Variants in MCU observed in about 807,000 individuals in gnomAD.
The protein encoded by MCU is mitochondrial calcium uniporter.
A neutral mutation model predicts 45.2 loss-of-function variants in MCU; 12 were observed. The observed-to-expected ratio is 0.27, with a 90% CI of 0.17 to 0.43. The LOEUF (loss-of-function observed/expected upper bound fraction) is 0.43. MCU is among the 20% of genes least tolerant of loss of function. The pLI, the probability that MCU is intolerant of heterozygous loss-of-function variation, is 1.00. For missense variants in MCU, 324 were observed against 436.7 expected, an observed-to-expected ratio of 0.74 and a Z score of 2.30; for synonymous variants, 160 against 165.1, an observed-to-expected ratio of 0.97 and a Z score of 0.24.
At chr10:72,751,707 T>G (rs1488841747) in intron 1 of MCU, among the ~76,000 whole-genome samples, 1 of 152,132 alleles carries the variant, frequency 6.6e-6, no homozygotes, top group East Asian at 1.9e-4. Flanking sequence ...AGGGTCTGGC[T>G]TCCTTTGAGA....
In MCU at chr10:72,886,107, A is replaced by G. The variant is rs1845770995; in HGVS notation, c.*285A>G. On this transcript the variant is annotated 3_prime_UTR_variant, in exon 8 of 8. Transcript: ENST00000373053. Reference sequence around the variant, plus strand: ...ATAGTTGAGAGATTCATAAAGAGAAAACAATGCTGGGGGTGTTCGTTTCTT... The same window carrying G: ...ATAGTTGAGAGATTCATAAAGAGAAGACAATGCTGGGGGTGTTCGTTTCTT... 1 of 278,976 alleles carries G rather than the reference A, an allele frequency of 3.6e-6. No homozygotes were observed. The highest frequency in any genetic ancestry group is 6.7e-6 in the Non-Finnish European group (1 of 149,186). 17.3% of individuals were successfully genotyped at this position (278,976 alleles called of 1,614,324 possible).
chr10:72,716,971 A>C (rs1842962350), intron 1 of MCU, among the ~76,000 whole-genome samples: 1 of 152,200 alleles, frequency 6.6e-6, no homozygotes, highest in African/African-American at 2.4e-5. Context: ...TTCAAGGATC[A>C]CAGAGCAAAT....
intron 1 of MCU, among the ~76,000 whole-genome samples, chr10:72,765,395 A>C (rs185835873): frequency 6.6e-5 from 10 of 152,240 alleles, no homozygotes; most frequent in Admixed American, 2.6e-4. Context: ...TCCTTCTATA[A>C]AGTTGTTATT....
intron 6 of MCU, among the ~76,000 whole-genome samples, chr10:72,872,452 C>T (rs1340902927): frequency 6.6e-6 from 1 of 152,180 alleles, no homozygotes; most frequent in African/African-American, 2.4e-5. Flanking sequence ...CTCTCTACTT[C>T]TGTGGGTTCA....
intron 1 of MCU, among the ~76,000 whole-genome samples, chr10:72,762,983 G>A (rs1246836437): frequency 6.6e-6 from 1 of 152,012 alleles, no homozygotes; most frequent in African/African-American, 2.4e-5. Context: ...TGCCTTTTCT[G>A]GTTTCTGGAG....
At position 72,739,699 on chromosome 10, in the gene MCU, T is replaced by C. The variant is rs967749514; in HGVS notation, c.150+47398T>C. Among the ~76,000 whole-genome samples, 641 of 146,610 alleles carry C rather than the reference T, an allele frequency of 4.4e-3. 4 individuals are homozygous for C. Among genetic ancestry groups the C allele is most frequent in the African/African-American group, 0.015 (608 of 40,472 alleles). ...GTTAGCCAATGAAGAACATTAAGAT[T>C]TTTTTTTTTTTTTTGAGACCAGGCT... On this transcript the variant is annotated intron_variant, in intron 1 of 7. Coordinates refer to ENST00000373053, the MANE Select transcript of MCU (RefSeq NM_138357.3).
chr10:72,766,653 A>G (rs549575639), intron 1 of MCU: 1 of 152,084 alleles, frequency 6.6e-6, no homozygotes, highest in Non-Finnish European at 1.5e-5. Context: ...GTCATAGCCC[A>G]TTTCTTGGTA....
chr10:72,737,711 G>A (rs1843270290), intron 1 of MCU, among the ~76,000 whole-genome samples: 2 of 151,762 alleles, frequency 1.3e-5, no homozygotes. Context: ...GTAGAGATGG[G>A]GTTTCACCAT....
chr10:72,776,238 A>T (rs1843891740), intron 1 of MCU, among the ~76,000 whole-genome samples: 1 of 152,140 alleles, frequency 6.6e-6, no homozygotes, highest in African/African-American at 2.4e-5. Context: ...GATTACCCTG[A>T]TACCAAAACA....
At chr10:72,847,454 C>A (rs925661368) in intron 2 of MCU, among the ~76,000 whole-genome samples, 1 of 151,976 alleles carries the variant, frequency 6.6e-6, no homozygotes, top group African/African-American at 2.4e-5. Flanking sequence ...GAAGCATAGC[C>A]CCCAGTCAAA....
chr10:72,761,061 GA>G (rs1843650070), intron 1 of MCU, among the ~76,000 whole-genome samples: 1 of 151,980 alleles, frequency 6.6e-6, no homozygotes, highest in African/African-American at 2.4e-5. Flanking sequence ...TTATAAGTTG[GA>G]AAAAAATTGT....
chr10:72,842,184 A>G (rs941127066), intron 2 of MCU, among the ~76,000 whole-genome samples: 5 of 152,246 alleles, frequency 3.3e-5, no homozygotes, highest in Non-Finnish European at 5.9e-5. Flanking sequence ...GACATGGACA[A>G]CCATGTGAAT....
intron 1 of MCU, among the ~76,000 whole-genome samples, chr10:72,754,748 G>A (rs1843550231): frequency 1.3e-5 from 2 of 152,052 alleles, no homozygotes; most frequent in Admixed American, 6.5e-5. Flanking sequence ...ACAGGCATGA[G>A]CAGCCCAGGA....
intron 7 of MCU, 195 bp downstream of exon 7, chr10:72,884,577 A>G (rs1845751552): frequency 2.0e-6 from 1 of 493,716 alleles, no homozygotes. Context: ...TATAAAAAGC[A>G]AGTGAGAAGA....
chr10:72,832,240 A>G (rs1967696767), intron 1 of MCU, among the ~76,000 whole-genome samples: 1 of 152,138 alleles, frequency 6.6e-6, no homozygotes, highest in Admixed American at 6.5e-5. Flanking sequence ...AGTCACTAGT[A>G]AAGTATTTTT....
chr10:72,822,280 A>G (rs994477050), intron 1 of MCU, among the ~76,000 whole-genome samples: 1 of 152,198 alleles, frequency 6.6e-6, no homozygotes, highest in African/African-American at 2.4e-5. Flanking sequence ...AAATAAATGA[A>G]TAAGGAAATA....
intron 1 of MCU, among the ~76,000 whole-genome samples, chr10:72,754,430 T>C (rs1254333487): frequency 3.3e-5 from 5 of 152,200 alleles, no homozygotes; most frequent in Non-Finnish European, 7.4e-5. Context: ...CCTTCTATTA[T>C]GTATCATGCA....
intron 1 of MCU, among the ~76,000 whole-genome samples, chr10:72,704,961 C>G (rs140479483): frequency 6.6e-6 from 1 of 151,724 alleles, no homozygotes; most frequent in Non-Finnish European, 1.5e-5. Flanking sequence ...CCTCATAATC[C>G]GCCCGCCTCG....
In MCU at chr10:72,860,406, A is replaced by T. The variant is rs956294997; in HGVS notation, c.392-17A>T. On this transcript the variant is annotated splice_polypyrimidine_tract_variant and intron_variant, in intron 3 of 7. Transcript: ENST00000373053. ...TAATTATGGACCTATGACAAGTTTCATTTGAAATTTTCACAGATGGTGTTC... is the reference window on the plus strand; with the variant it reads ...TAATTATGGACCTATGACAAGTTTCTTTTGAAATTTTCACAGATGGTGTTC... 4 of 1,604,836 alleles carry T rather than the reference A, an allele frequency of 2.5e-6. No homozygotes were observed. Among genetic ancestry groups the T allele is most frequent in the Non-Finnish European group, 3.4e-6 (4 of 1,171,958 alleles).
Sources: allele counts gnomAD v4.1 joint callset (sites outside exome capture counted in the v4.1 genomes callset), GRCh38; gene constraint gnomAD v4.1.1; transcripts MANE v1.5; gene names NCBI Gene and HGNC (gene_info 2026-07-23, HGNC 2026-07-21).